The following ACSM4 variants were observed in gnomAD, a reference collection of about 807,000 sequenced individuals.
The protein encoded by ACSM4 is acyl-CoA synthetase medium chain family member 4, also known as acyl-coenzyme A synthetase ACSM4, mitochondrial.
ACSM4 carries 66 observed loss-of-function variants against 73.0 expected under a neutral mutation model. That is an observed-to-expected ratio of 0.90 (90% CI 0.74 to 1.11). The LOEUF (loss-of-function observed/expected upper bound fraction) is 1.11, where lower values mean the gene tolerates loss of function less well. Ranked by LOEUF, ACSM4 falls within the 50% of genes least tolerant of loss-of-function variation. ACSM4 has a pLI of 0.00. For synonymous variants in ACSM4, 222 were observed against 254.0 expected (o/e 0.87, Z 1.20); for missense variants, 645 against 714.4 (o/e 0.90, Z 1.11).
rs1361828452 is a variant in ACSM4, at chr12:7,304,287, T to A, written c.-45T>A. The A allele has an allele frequency of 6.4e-7, 1 of 1,569,962 alleles. No individual in the cohort carries two copies. Among genetic ancestry groups the A allele is most frequent in the Non-Finnish European group, 8.8e-7 (1 of 1,140,652 alleles). On this transcript the variant is annotated 5_prime_UTR_variant, in exon 1 of 13. Coordinates refer to ENST00000399422, the MANE Select transcript of ACSM4 (RefSeq NM_001080454.2). ...TCTATCCATCTCTCCCTACAGGCTG[T>A]AGTACTTCTGTGTCCATAGCAGTAG...
rs79028410 is a variant in ACSM4 at position 7,308,674 on chromosome 12, T to C, written c.413-1865T>C. On this transcript the variant is annotated intron_variant, in intron 2 of 12. Coordinates refer to ENST00000399422, the MANE Select transcript of ACSM4 (RefSeq NM_001080454.2). ...TGTAAAATAAATAATCTTAAATTTT[T>C]ATATTGAGCGAATACTCTAAGATGT... Among the ~76,000 whole-genome samples, 392 of 152,360 alleles carry C rather than the reference T, an allele frequency of 2.6e-3. 4 individuals carry two copies. Among genetic ancestry groups the C allele is most frequent in the African/African-American group, 8.4e-3 (350 of 41,596 alleles).
At position 7,328,122 on chromosome 12, in the gene ACSM4, C is replaced by T. The variant is rs78076291; in HGVS notation, c.1657-165C>T. 3.6e-3 allele frequency among the ~76,000 whole-genome samples: 542 copies of T among 152,298 alleles called. 3 individuals carry two copies. The highest frequency in any genetic ancestry group is 0.013 in the African/African-American group (528 of 41,564). On this transcript the variant is annotated intron_variant, in intron 12 of 12. Coordinates refer to ENST00000399422, the MANE Select transcript of ACSM4 (RefSeq NM_001080454.2). ...AAGATGGAGCTACACTATCACCCTT[C>T]CTACATAAACAGACGTTTCTGGTGT...
intron 2 of ACSM4, 98 bp downstream of exon 2, chr12:7,306,841 AGAAGAC>A: frequency 1.1e-6 from 1 of 947,704 alleles, no homozygotes; most frequent in Non-Finnish European, 1.4e-6. Context: ...GTATGCATAC[AGAAGAC>A]AAAAAAAAAA....
At position 7,311,173 on chromosome 12, in the gene ACSM4, T is replaced by A. The variant is rs781159302; in HGVS notation, c.620+427T>A. ...AGAGTGAAACTTTGTCTCAAAAAAA[T>A]AAATAAATAAATAAATAAAATAAAA... On this transcript the variant is annotated intron_variant, in intron 3 of 12. Transcript: ENST00000399422. 4.5e-3 allele frequency among the ~76,000 whole-genome samples: 683 copies of A among 150,634 alleles called. 9 individuals are homozygous for A. Among genetic ancestry groups the A allele is most frequent in the Admixed American group, 0.024 (355 of 15,080 alleles).
At chr12:7,316,456 C>T (rs905658786) in intron 3 of ACSM4, among the ~76,000 whole-genome samples, 1 of 152,190 alleles carries the variant, frequency 6.6e-6, no homozygotes, top group African/African-American at 2.4e-5. Context: ...TAAAGCCTTA[C>T]ATCTCGTTGT....
chr12:7,315,866 G>C (rs748398565), intron 3 of ACSM4, among the ~76,000 whole-genome samples: 6 of 152,160 alleles, frequency 3.9e-5, no homozygotes, highest in Non-Finnish European at 8.8e-5. Context: ...AGTCAGGCTG[G>C]CTGCCAGCTG....
chr12:7,307,586 A>G (rs1156972080), intron 2 of ACSM4, among the ~76,000 whole-genome samples: 2 of 152,250 alleles, frequency 1.3e-5, no homozygotes, highest in Non-Finnish European at 2.9e-5. Flanking sequence ...AGTATATTCA[A>G]TGACACACTT....
rs1367061270 is a variant in ACSM4, at chr12:7,304,283, G to A, written c.-49G>A. ...ACTCTCTATCCATCTCTCCCTACAG[G>A]CTGTAGTACTTCTGTGTCCATAGCA... On this transcript the variant is annotated 5_prime_UTR_variant, in exon 1 of 13. Transcript: ENST00000399422. 6 of 1,560,794 alleles carry A rather than the reference G, an allele frequency of 3.8e-6. No individual in the cohort carries two copies. The highest frequency in any genetic ancestry group is 1.4e-5 in the African/African-American group (1 of 73,606).
At chr12:7,306,835 GCAT>G in intron 2 of ACSM4, 92 bp downstream of exon 2, 1 of 779,088 alleles carries the variant, frequency 1.3e-6, no homozygotes, top group Non-Finnish European at 1.7e-6. Flanking sequence ...TTAAAAGTAT[GCAT>G]ACAGAAGACA....
intron 10 of ACSM4, 26 bp from the exon 11 acceptor site, chr12:7,324,473 G>A: frequency 6.2e-7 from 1 of 1,613,868 alleles, no homozygotes; most frequent in Non-Finnish European, 8.5e-7. Flanking sequence ...AGGATGTGGT[G>A]GTCAAAAACT....
intron 2 of ACSM4, among the ~76,000 whole-genome samples, chr12:7,309,236 G>A (rs1946377161): frequency 6.6e-6 from 1 of 152,196 alleles, no homozygotes; most frequent in Non-Finnish European, 1.5e-5. Context: ...AGTAGTCTAG[G>A]CAAACCTTGA....
At chr12:7,318,553 TGTGGA>T (rs2136333241) in intron 5 of ACSM4, 1 of 168,628 alleles carries the variant, frequency 5.9e-6, no homozygotes, top group African/African-American at 2.4e-5. Context: ...AGAACTCTTG[TGTGGA>T]GTGGACATTA....
intron 11 of ACSM4, 29 bp from the exon 12 acceptor site, chr12:7,326,947 A>G: frequency 2.6e-6 from 4 of 1,567,110 alleles, no homozygotes; most frequent in Non-Finnish European, 3.5e-6. Context: ...AAAACAAATG[A>G]GCAAGATAAA....
intron 2 of ACSM4, among the ~76,000 whole-genome samples, chr12:7,307,941 G>A (rs2136328567): frequency 6.6e-6 from 1 of 152,178 alleles, no homozygotes; most frequent in East Asian, 1.9e-4. Context: ...GATAGAATAT[G>A]GTAAAAATCA....
At chr12:7,307,130 T>C (rs1384845917) in intron 2 of ACSM4, among the ~76,000 whole-genome samples, 1 of 152,184 alleles carries the variant, frequency 6.6e-6, no homozygotes, top group Non-Finnish European at 1.5e-5. Flanking sequence ...GGTGTGTGCC[T>C]GTAATCCCAG....
chr12:7,313,695 A>C (rs1415621082), intron 3 of ACSM4, among the ~76,000 whole-genome samples: 2 of 152,138 alleles, frequency 1.3e-5, no homozygotes, highest in Non-Finnish European at 1.5e-5. Context: ...GAGGGGTTCA[A>C]GATGGTGTTC....
chr12:7,317,336 C>A (rs1946428692), intron 4 of ACSM4, 56 bp downstream of exon 4: 3 of 1,491,172 alleles, frequency 2.0e-6, no homozygotes, highest in Non-Finnish European at 2.7e-6. Flanking sequence ...TGCGAATATG[C>A]GTATCCAACT....
rs772224561 is a variant in ACSM4, at chr12:7,318,076, C to T, written c.815C>T (p.Thr272Met). 42 of 1,613,644 alleles carry T rather than the reference C, an allele frequency of 2.6e-5. No homozygotes were observed. In the Admixed American group the frequency reaches 3.3e-4, roughly 13 times the overall value. Residue 272 changes from threonine to methionine, a missense_variant, in exon 5 of 13, where the codon ACG becomes ATG. By Grantham distance (81) the Thr-to-Met change is moderately conservative. Coordinates refer to ENST00000399422, the MANE Select transcript of ACSM4 (RefSeq NM_001080454.2). ...SSDIIWNMSD[T>M]GWVKAAIGSV... is the part of the protein sequence containing the mutation. ...GATATCATATGGAATATGTCTGACA[C>T]GGGCTGGGTCAAGGCCGCCATTGGC...
Position 7,327,115 on chromosome 12 carries a change from G to T in ACSM4, c.1656+20G>T. On this transcript the variant is annotated intron_variant, in intron 12 of 12. Transcript: ENST00000399422. ...AGAAAGGCAAGTGCTTTGCCCAAAA[G>T]TTAAGTTTGGATGTTACCAAACTAG... 6.3e-7 allele frequency: 1 copy of T among 1,579,414 alleles called. No homozygotes were observed.
Sources: gnomAD v4.1 joint callset for allele counts (sites outside exome capture counted in the v4.1 genomes callset) on GRCh38, gnomAD v4.1.1 for gene constraint, MANE v1.5 for transcripts, NCBI Gene and HGNC (gene_info 2026-07-23, HGNC 2026-07-21) for gene names.